SENP2: variants seen among roughly 807,000 people sequenced by gnomAD.
SENP2 encodes the protein sentrin-specific protease 2.
A neutral mutation model predicts 86.3 loss-of-function variants in SENP2; 16 were observed. The ratio of observed to expected loss-of-function variants is 0.19; its 90% confidence interval spans 0.13 to 0.28. SENP2 has a LOEUF of 0.28. SENP2 is among the 10% of genes least tolerant of loss of function. The probability of loss-of-function intolerance (pLI) is 1.00; values close to 1 mark genes in which losing one functional copy is unlikely to be tolerated. For missense variants in SENP2, 552 were observed against 703.0 expected, an observed-to-expected ratio of 0.79 and a Z score of 2.43; for synonymous variants, 222 against 238.7, an observed-to-expected ratio of 0.93 and a Z score of 0.64.
chr3:185,586,406 G>C lies in SENP2; in HGVS notation c.-8G>C. 6.2e-7 allele frequency: 1 copy of C among 1,613,890 alleles called. No individual in the cohort carries two copies. The highest frequency in any genetic ancestry group is 8.5e-7 in the Non-Finnish European group (1 of 1,179,996). ...GTGTGTCGGCCGCCGCTGCTGCTTG[G>C]GCCTGGTATGTACAGATGGCTGGTT... is the stretch of plus-strand genomic sequence containing the variant. On this transcript the variant is annotated 5_prime_UTR_variant, in exon 1 of 17. Coordinates refer to ENST00000296257, the MANE Select transcript of SENP2 (RefSeq NM_021627.3). This position sits in a 1 kb window ranked among gnomAD's most constrained non-coding sequence, Gnocchi z 4.3.
chr3:185,598,157 C>T (rs965025162), intron 2 of SENP2, among the ~76,000 whole-genome samples: 5 of 151,706 alleles, frequency 3.3e-5, no homozygotes, highest in Admixed American at 1.3e-4. Flanking sequence ...GGACTACAGG[C>T]GTGTGATACC....
intron 2 of SENP2, among the ~76,000 whole-genome samples, chr3:185,591,336 C>A (rs557049621): frequency 4.4e-4 from 67 of 152,104 alleles, no homozygotes; most frequent in Non-Finnish European, 8.4e-4. Context: ...AATCATTCTA[C>A]AAAGAAAAGA....
chr3:185,606,956 A>T, intron 6 of SENP2: 1 of 308,600 alleles, frequency 3.2e-6, no homozygotes. Context: ...AGCAAATAAT[A>T]TATCTACTAT....
At chr3:185,605,232 G>A (rs1464503042) in intron 5 of SENP2, among the ~76,000 whole-genome samples, 1 of 151,540 alleles carries the variant, frequency 6.6e-6, no homozygotes, top group African/African-American at 2.4e-5. Context: ...TTAGCCGGGC[G>A]TGGTGGCAGG....
rs1306963735 is a variant in SENP2 at position 185,630,698 on chromosome 3, A to G, written c.*854A>G. 6.6e-6 allele frequency: 1 copy of G among 152,656 alleles called. No homozygotes were observed. The highest frequency in any genetic ancestry group is 2.4e-5 in the African/African-American group (1 of 41,452). The allele number at this position is 152,656 out of a possible 1,614,324, so 9.5% of individuals were successfully genotyped here. A position where few individuals can be genotyped will look rare whatever the true frequency, so the allele number is the denominator to read the frequency against. On this transcript the variant is annotated 3_prime_UTR_variant, in exon 17 of 17. Transcript: ENST00000296257. ...CTGTAAACCCTAAATCTTCATTTTCATCCCAGATCTGGTTGAGTATAAACC... is the reference window on the plus strand; with the variant it reads ...CTGTAAACCCTAAATCTTCATTTTCGTCCCAGATCTGGTTGAGTATAAACC...
At chr3:185,588,186 T>C (rs1406742118) in intron 1 of SENP2, among the ~76,000 whole-genome samples, 3 of 148,934 alleles carry the variant, frequency 2.0e-5, no homozygotes, top group African/African-American at 7.5e-5. Flanking sequence ...GCCTCCCGAG[T>C]AGCTGGGACT....
At chr3:185,619,617 T>G (rs1711762819) in intron 13 of SENP2, 115 bp downstream of exon 13, 1 of 663,728 alleles carries the variant, frequency 1.5e-6, no homozygotes, top group Non-Finnish European at 2.4e-6. Context: ...ATTATAAGCA[T>G]ACTCTGCAGA....
At chr3:185,606,301 C>G (rs1482491168) in intron 5 of SENP2, 29 bp from the exon 6 acceptor site, 1 of 1,568,396 alleles carries the variant, frequency 6.4e-7, no homozygotes, top group East Asian at 2.2e-5. Flanking sequence ...CTTGGTGATA[C>G]TTTTTTTCTT....
chr3:185,619,569 G>A lies in SENP2; in HGVS notation c.1446+67G>A. ...AAGGCCATTTTTTAAAAATAATGCT[G>A]CCTTTTTCTGCCCTGTGTATAGAGG... On this transcript the variant is annotated intron_variant, in intron 13 of 16. Transcript: ENST00000296257. 6 of 1,260,494 alleles carry A rather than the reference G, an allele frequency of 4.8e-6. 1 individual carries two copies. The South Asian group carries it at 7.5e-5, about 16-fold the overall frequency. 78.1% of individuals were successfully genotyped at this position (1,260,494 alleles called of 1,614,324 possible).
Position 185,590,186 on chromosome 3 carries a change from T to C in SENP2, c.157+17T>C. On this transcript the variant is annotated intron_variant, in intron 2 of 16. Coordinates refer to ENST00000296257, the MANE Select transcript of SENP2 (RefSeq NM_021627.3). ...CAAGATTAGGTACTGAATATAAATTTTAAAAATTTTTAGTTTTTAAATAGG... is the reference window on the plus strand; with the variant it reads ...CAAGATTAGGTACTGAATATAAATTCTAAAAATTTTTAGTTTTTAAATAGG... 7.1e-7 allele frequency: 1 copy of C among 1,409,016 alleles called. No individual in the cohort carries two copies. Among genetic ancestry groups the C allele is most frequent in the Non-Finnish European group, 9.7e-7 (1 of 1,035,016 alleles). 87.3% of individuals were successfully genotyped at this position (1,409,016 alleles called of 1,614,324 possible). A position where few individuals can be genotyped will look rare whatever the true frequency, so the allele number is the denominator to read the frequency against.
At chr3:185,621,156 CAAAAAAA>C (rs1206042436) in intron 13 of SENP2, among the ~76,000 whole-genome samples, 1 of 39,022 alleles carries the variant, frequency 2.6e-5, no homozygotes, top group Non-Finnish European at 4.4e-5. Flanking sequence ...GATCTTGTCT[CAAAAAAA>C]AAAAAAAAAA....
At chr3:185,595,798 T>C (rs542015092) in intron 2 of SENP2, among the ~76,000 whole-genome samples, 1 of 111,804 alleles carries the variant, frequency 8.9e-6, no homozygotes, top group African/African-American at 3.1e-5. Flanking sequence ...GAGCCTGAGA[T>C]TTTTTTTTTT....
rs1712415730 is a variant in SENP2 at position 185,630,594 on chromosome 3, T to A, written c.*750T>A. 1 of 152,586 alleles carries A rather than the reference T, an allele frequency of 6.6e-6. No individual in the cohort carries two copies. Among genetic ancestry groups the A allele is most frequent in the African/African-American group, 2.4e-5 (1 of 41,410 alleles). 9.5% of individuals were successfully genotyped at this position (152,586 alleles called of 1,614,324 possible). On this transcript the variant is annotated 3_prime_UTR_variant, in exon 17 of 17. Coordinates refer to ENST00000296257, the MANE Select transcript of SENP2 (RefSeq NM_021627.3). Reference sequence around the variant, plus strand: ...AAGCATCTTCCGAAGAGTGTTGTGGTCACCTTAAAGAGACTTCCCCTTCTG... The same window carrying A: ...AAGCATCTTCCGAAGAGTGTTGTGGACACCTTAAAGAGACTTCCCCTTCTG...
chr3:185,632,119 CCAAA>C lies in SENP2; in HGVS notation c.*2278_*2281del, dbSNP rs1282054571. 3.3e-5 allele frequency: 5 copies of C among 151,310 alleles called. No homozygotes were observed. The highest frequency in any genetic ancestry group is 2.6e-4 in the Admixed American group (4 of 15,194). 9.4% of individuals were successfully genotyped at this position (151,310 alleles called of 1,614,324 possible). Reference sequence around the variant, plus strand: ...ATGTTAGTAATATAGTTTTTTAGATCCAAACAGTTTATTTGGATCTAAAAGTTTA... The same window carrying C: ...ATGTTAGTAATATAGTTTTTTAGATCCAGTTTATTTGGATCTAAAAGTTTA... On this transcript the variant is annotated 3_prime_UTR_variant, in exon 17 of 17. Coordinates refer to ENST00000296257, the MANE Select transcript of SENP2 (RefSeq NM_021627.3).
intron 13 of SENP2, among the ~76,000 whole-genome samples, chr3:185,621,393 T>C (rs147631072): frequency 0.042 from 5,571 of 131,428 alleles, 190 homozygotes; most frequent in South Asian, 0.22. Flanking sequence ...TTTCTTTTTT[T>C]TTTTTTTTTT....
Position 185,623,826 on chromosome 3 carries a change from CAAAAAA to C in SENP2, c.1527-153_1527-148del, listed in dbSNP as rs63707460. 1.2e-3 allele frequency among the ~76,000 whole-genome samples: 55 copies of C among 47,788 alleles called. 1 individual carries two copies. The highest frequency in any genetic ancestry group is 3.3e-3 in the Admixed American group (12 of 3,626). The allele number at this position is 47,788 out of a possible 152,430, so 31.4% of individuals were successfully genotyped here. On this transcript the variant is annotated intron_variant, in intron 14 of 16. Transcript: ENST00000296257. ...TGGGCGACAGAGCGAGACTCTGTCT[CAAAAAA>C]AAAAAAAAAAAAAAAAAATCCAGAA...
chr3:185,617,345 A>T (rs1711657946), intron 11 of SENP2, 135 bp from the exon 12 acceptor site: 1 of 549,616 alleles, frequency 1.8e-6, no homozygotes, highest in Non-Finnish European at 3.1e-6. Context: ...GTAGTTTAGT[A>T]GGTCTTTGAT....
At chr3:185,600,673 T>A in intron 4 of SENP2, 92 bp from the exon 5 acceptor site, 2 of 766,508 alleles carry the variant, frequency 2.6e-6, no homozygotes, top group Non-Finnish European at 4.6e-6. Flanking sequence ...AGCTCTATGA[T>A]GTAGGTTGCT....
In SENP2 at chr3:185,606,380, A is replaced by C. The variant is rs760293712; in HGVS notation, c.500A>C (p.His167Pro). 7.4e-6 allele frequency: 12 copies of C among 1,613,552 alleles called. No homozygotes were observed. The highest frequency in any genetic ancestry group is 1.1e-5 in the South Asian group (1 of 90,938). ...AATAGAAGACCAGGTGGCCGTCGCC[A>C]TAGCAAAGGTAATCCAGAGAGTTCT... ...GCNRRPGGRR[H>P]SKGNPESSLM... The change falls in exon 6 of 17, where the codon CAT becomes CCT. Residue 167 changes from histidine (H) to proline (P), a missense_variant. Physicochemically the swap from His to Pro is moderately conservative, Grantham distance 77. This residue lies in a region of SENP2 where 383 missense variants were observed against 427.3 expected (regional missense o/e 0.90). Coordinates refer to ENST00000296257, the MANE Select transcript of SENP2 (RefSeq NM_021627.3).
Sources: allele counts gnomAD v4.1 joint callset (sites outside exome capture counted in the v4.1 genomes callset), GRCh38; gene constraint gnomAD v4.1.1; regional missense constraint gnomAD v4.1.1; non-coding constraint Gnocchi (gnomAD v3.1); transcripts MANE v1.5; gene names NCBI Gene and HGNC (gene_info 2026-07-23, HGNC 2026-07-21).